The following CCDC57 variants were observed in gnomAD, a reference collection of about 807,000 sequenced individuals.
The protein encoded by CCDC57 is coiled-coil domain-containing protein 57.
Under a neutral mutation model 118.9 loss-of-function variants are expected in CCDC57, and 118 were observed. The observed-to-expected ratio is 0.99, with a 90% CI of 0.86 to 1.16. The LOEUF is 1.16. Ranked by LOEUF, CCDC57 falls within the 50% of genes most tolerant of loss-of-function variation. The pLI, the probability that CCDC57 is intolerant of heterozygous loss-of-function variation, is 0.00. For synonymous variants in CCDC57, 527 were observed against 532.9 expected (o/e 0.99, Z 0.15); for missense variants, 1,300 against 1,320.7 (o/e 0.98, Z 0.24).
Position 82,171,915 on chromosome 17 carries a change from G to C in CCDC57, c.1730-62C>G, listed in dbSNP as rs2044793094. On this transcript the variant is annotated intron_variant, in intron 12 of 19. Coordinates refer to ENST00000665763, the Ensembl canonical transcript of CCDC57. ...CAGCATCCTTTCGCACCTCCCTCCT[G>C]TGAGCACCAGCTCAGGGAGCCGATG... 3.2e-6 allele frequency: 5 copies of C among 1,560,276 alleles called. No homozygotes were observed. The South Asian group carries it at 5.7e-5, about 18-fold the overall frequency.
At chr17:82,131,364 G>A (rs1051236127) in intron 17 of CCDC57, among the ~76,000 whole-genome samples, 2 of 151,894 alleles carry the variant, frequency 1.3e-5, no homozygotes, top group Admixed American at 6.6e-5. Flanking sequence ...CTGGGAGGCA[G>A]AGGTTGCAGT....
intron 1 of CCDC57, among the ~76,000 whole-genome samples, chr17:82,208,214 T>C (rs977054883): frequency 2.0e-5 from 3 of 151,380 alleles, no homozygotes; most frequent in African/African-American, 4.9e-5. Context: ...AGCCCAAATA[T>C]ATATATTTTT....
At chr17:82,191,664 TA>T (rs2047681829) in intron 7 of CCDC57, among the ~76,000 whole-genome samples, 1 of 151,986 alleles carries the variant, frequency 6.6e-6, no homozygotes, top group Admixed American at 6.6e-5. Context: ...ACGGTAAACA[TA>T]TTTTCTAAGA....
intron 11 of CCDC57, among the ~76,000 whole-genome samples, chr17:82,176,968 G>A (rs1321162265): frequency 4.6e-5 from 7 of 152,034 alleles, no homozygotes; most frequent in African/African-American, 1.2e-4. Flanking sequence ...CAACCAGGCC[G>A]GGCATGGTGG....
chr17:82,179,152 G>T (rs757942091), exon 10 of CCDC57: 19 of 1,613,854 alleles, frequency 1.2e-5, no homozygotes, highest in Non-Finnish European at 1.7e-6. Flanking sequence ...TCCAGGCTCC[G>T]CTCCCTTTCC....
At chr17:82,147,793 T>G (rs1359473253) in intron 16 of CCDC57, among the ~76,000 whole-genome samples, 1 of 43,840 alleles carries the variant, frequency 2.3e-5, no homozygotes, top group African/African-American at 9.4e-5. Context: ...GATGGATGGG[T>G]GGGTGGGTGG....
intron 3 of CCDC57, among the ~76,000 whole-genome samples, chr17:82,198,992 C>CA (rs34649384): frequency 0.022 from 1,920 of 87,250 alleles, 42 homozygotes; most frequent in African/African-American, 0.049. Context: ...GACTCCATCT[C>CA]AAAAAAAAAA....
rs1599138591 is a variant in CCDC57 at position 82,172,956 on chromosome 17, G to T, written c.1507-96C>A. The T allele has an allele frequency of 6.3e-6, 7 of 1,107,048 alleles. No homozygotes were observed. The highest frequency in any genetic ancestry group is 2.7e-6 in the Non-Finnish European group (2 of 754,232). 68.6% of individuals were successfully genotyped at this position (1,107,048 alleles called of 1,614,324 possible). ...TCCGCTCTCCCCGCGCCCCTCTCGGGCCGGTCCCCCGCTTCAGCTTGGGCT... is the reference window on the plus strand; with the variant it reads ...TCCGCTCTCCCCGCGCCCCTCTCGGTCCGGTCCCCCGCTTCAGCTTGGGCT... On this transcript the variant is annotated intron_variant, in intron 11 of 19. Transcript: ENST00000665763. The surrounding 1 kb of genome is among the most constrained non-coding windows in gnomAD (Gnocchi z 5.2).
chr17:82,115,198 C>T (rs756009186), intron 19 of CCDC57, among the ~76,000 whole-genome samples: 1 of 151,542 alleles, frequency 6.6e-6, no homozygotes, highest in South Asian at 2.1e-4. Flanking sequence ...CCACTGGGGC[C>T]GAGCAGGGCA....
chr17:82,159,758 G>A (rs866162073), intron 14 of CCDC57, among the ~76,000 whole-genome samples: 9 of 150,282 alleles, frequency 6.0e-5, no homozygotes, highest in South Asian at 2.1e-4. Context: ...TGCAACCTCC[G>A]CCTCCCGGGT....
chr17:82,156,221 G>A (rs868811420), intron 15 of CCDC57: 1 of 152,084 alleles, frequency 6.6e-6, no homozygotes, highest in Non-Finnish European at 1.5e-5. Flanking sequence ...AACCCGGGAG[G>A]AGGAGGTTGC....
intron 19 of CCDC57, among the ~76,000 whole-genome samples, chr17:82,106,983 G>A (rs2034893000): frequency 6.6e-6 from 1 of 152,188 alleles, no homozygotes; most frequent in Non-Finnish European, 1.5e-5. Context: ...AGCACTGCCT[G>A]CCACTCACTT....
chr17:82,116,101 C>T (rs1330904749), intron 19 of CCDC57, among the ~76,000 whole-genome samples: 4 of 92,614 alleles, frequency 4.3e-5, no homozygotes, highest in Non-Finnish European at 7.1e-5. Context: ...CCGGCCACAA[C>T]CTTTTTTTTT....
rs1189148762 is a variant in CCDC57 at position 82,118,580 on chromosome 17, G to A, written c.2899+9112C>T. Among the ~76,000 whole-genome samples the A allele has an allele frequency of 6.6e-6, 1 of 152,028 alleles. No homozygotes were observed. The highest frequency in any genetic ancestry group is 1.5e-5 in the Non-Finnish European group (1 of 67,990). ...TTGGGCACTTGATACACACCCATAA[G>A]GTGCACTCTAGGGAGGTGGAGGCAG... On this transcript the variant is annotated intron_variant, in intron 19 of 19. Transcript: ENST00000665763. This position sits in a 1 kb window ranked among gnomAD's most constrained non-coding sequence, Gnocchi z 4.7.
intron 1 of CCDC57, among the ~76,000 whole-genome samples, chr17:82,210,226 G>C (rs1017386439): frequency 6.6e-6 from 1 of 151,624 alleles, no homozygotes; most frequent in African/African-American, 2.4e-5. Flanking sequence ...CTGCAAGCCA[G>C]CCTGGGAAGA....
intron 11 of CCDC57, among the ~76,000 whole-genome samples, chr17:82,174,127 C>T (rs2045145501): frequency 6.6e-6 from 1 of 152,244 alleles, no homozygotes. Context: ...TGGAGCCACC[C>T]TGAGGGACGC....
exon 20 of CCDC57, chr17:82,101,746 T>G (rs1275538771): frequency 1.2e-6 from 2 of 1,609,282 alleles, no homozygotes; most frequent in Admixed American, 3.4e-5. Flanking sequence ...TTTTGCAGGA[T>G]GAGACCGGGA....
At chr17:82,105,766 G>C (rs1425419924) in intron 19 of CCDC57, among the ~76,000 whole-genome samples, 4 of 152,218 alleles carry the variant, frequency 2.6e-5, no homozygotes, top group Non-Finnish European at 5.9e-5. Context: ...GACACTCCGG[G>C]CCTGCTATGT....
At position 82,172,802 on chromosome 17, in the gene CCDC57, T is replaced by G; in HGVS notation, c.1565A>C (p.Gln522Pro). ...GCTCGTGTTCTGCTCTCGGAGCCGC[T>G]GGATCTCACTGGATGGAAAGTCTTT... Residue 522 changes from glutamine to proline, a missense_variant, in exon 12 of 20, where the codon CAG (glutamine) becomes CCG (proline). Coordinates refer to ENST00000665763, the Ensembl canonical transcript of CCDC57. The surrounding 1 kb of genome is among the most constrained non-coding windows in gnomAD (Gnocchi z 5.2). The G allele has an allele frequency of 6.2e-7, 1 of 1,613,582 alleles. No homozygotes were observed. Among genetic ancestry groups the G allele is most frequent in the Non-Finnish European group, 8.5e-7 (1 of 1,179,760 alleles).
Sources: allele counts gnomAD v4.1 joint callset (sites outside exome capture counted in the v4.1 genomes callset), GRCh38; gene constraint gnomAD v4.1.1; non-coding constraint Gnocchi (gnomAD v3.1); transcripts MANE v1.5; gene names NCBI Gene and HGNC (gene_info 2026-07-23, HGNC 2026-07-21).